Variants in NCKAP5 observed in about 807,000 individuals in gnomAD.
NCKAP5 encodes the protein nck-associated protein 5.
Under a neutral mutation model 167.0 loss-of-function variants are expected in NCKAP5, and 92 were observed. The observed-to-expected ratio is 0.55, with a 90% CI of 0.47 to 0.66. The LOEUF is 0.66. Ranked by LOEUF, NCKAP5 falls within the 30% of genes least tolerant of loss-of-function variation. NCKAP5 has a pLI of 0.00. For missense variants in NCKAP5, 2,378 were observed against 2,315.0 expected (o/e 1.03, Z -0.56); for synonymous variants, 891 against 877.4 (o/e 1.02, Z -0.27).
chr2:133,545,995 G>A (rs545369964), intron 2 of NCKAP5, among the ~76,000 whole-genome samples: 7 of 152,202 alleles, frequency 4.6e-5, no homozygotes, highest in African/African-American at 7.2e-5. Flanking sequence ...AATCTGAGCC[G>A]GAACAAAATA....
chr2:133,126,258 T>A (rs2082401013), intron 6 of NCKAP5, among the ~76,000 whole-genome samples: 1 of 152,216 alleles, frequency 6.6e-6, no homozygotes, highest in Non-Finnish European at 1.5e-5. Context: ...CCATAACTAC[T>A]GTTTAGAGAC....
At chr2:133,373,688 C>T (rs1685954931) in intron 3 of NCKAP5, among the ~76,000 whole-genome samples, 1 of 152,162 alleles carries the variant, frequency 6.6e-6, no homozygotes, top group Non-Finnish European at 1.5e-5. Flanking sequence ...CAAATCAGGA[C>T]CTTGTGGTAC....
intron 6 of NCKAP5, among the ~76,000 whole-genome samples, chr2:133,086,633 C>T (rs1394823700): frequency 6.6e-6 from 1 of 151,956 alleles, no homozygotes; most frequent in South Asian, 2.1e-4. Context: ...CAGAGCAAGA[C>T]CTTATCTCTA....
chr2:133,654,537 T>C, the NCKAP5 span, among the ~76,000 whole-genome samples: 1 of 152,148 alleles, frequency 6.6e-6, no homozygotes, highest in African/African-American at 2.4e-5. Flanking sequence ...TCCACATCCA[T>C]CCTTTGGCTC....
At chr2:132,894,794 C>T (rs889049641) in intron 8 of NCKAP5, among the ~76,000 whole-genome samples, 3 of 152,152 alleles carry the variant, frequency 2.0e-5, no homozygotes, top group South Asian at 2.1e-4. Flanking sequence ...GGCCGCCCTC[C>T]GCCCTGCTCC....
intron 6 of NCKAP5, among the ~76,000 whole-genome samples, chr2:133,040,866 C>A (rs1371635818): frequency 6.6e-6 from 1 of 152,160 alleles, no homozygotes; most frequent in Non-Finnish European, 1.5e-5. Flanking sequence ...GCAATACAGG[C>A]AGCATTATTG....
At chr2:133,601,800 T>C in the NCKAP5 span, among the ~76,000 whole-genome samples, 1 of 152,098 alleles carries the variant, frequency 6.6e-6, no homozygotes, top group Non-Finnish European at 1.5e-5. Flanking sequence ...TTTCAGGTGC[T>C]AAAGTCCTAA....
At chr2:133,044,664 T>G (rs2079330730) in intron 6 of NCKAP5, among the ~76,000 whole-genome samples, 1 of 152,136 alleles carries the variant, frequency 6.6e-6, no homozygotes, top group African/African-American at 2.4e-5. Flanking sequence ...GAGAGAAATT[T>G]AATAAGACCT....
intron 8 of NCKAP5, among the ~76,000 whole-genome samples, chr2:132,897,615 T>C (rs1174661726): frequency 6.6e-6 from 1 of 152,168 alleles, no homozygotes; most frequent in African/African-American, 2.4e-5. Context: ...CAGACATACC[T>C]TGGGGAGAGA....
the NCKAP5 span, among the ~76,000 whole-genome samples, chr2:133,600,091 C>T: frequency 4.6e-5 from 7 of 152,258 alleles, no homozygotes; most frequent in Non-Finnish European, 7.4e-5. Context: ...ATCTGTGTCG[C>T]GGAATTTCTT....
intron 2 of NCKAP5, among the ~76,000 whole-genome samples, chr2:133,527,990 G>C (rs561922216): frequency 6.6e-6 from 1 of 152,256 alleles, no homozygotes; most frequent in East Asian, 1.9e-4. Context: ...GCTTAAGCCT[G>C]AGAGGTTGAG....
At chr2:133,638,207 T>C in the NCKAP5 span, among the ~76,000 whole-genome samples, 1 of 152,082 alleles carries the variant, frequency 6.6e-6, no homozygotes, top group Non-Finnish European at 1.5e-5. Context: ...TCTGAAAAAA[T>C]TGGTAAGCAA....
chr2:133,278,622 AT>A (rs372222505), intron 4 of NCKAP5, among the ~76,000 whole-genome samples: 13 of 152,218 alleles, frequency 8.5e-5, no homozygotes, highest in African/African-American at 1.4e-4. Flanking sequence ...TCTGATATGT[AT>A]TTTTTTGTGG....
At chr2:133,104,216 T>C (rs933785321) in intron 6 of NCKAP5, among the ~76,000 whole-genome samples, 2 of 151,904 alleles carry the variant, frequency 1.3e-5, no homozygotes, top group African/African-American at 4.8e-5. Flanking sequence ...GCACCCCAAG[T>C]TGGACACAGA....
chr2:133,185,645 C>A (rs1478814634), intron 5 of NCKAP5, among the ~76,000 whole-genome samples: 1 of 152,014 alleles, frequency 6.6e-6, no homozygotes, highest in Non-Finnish European at 1.5e-5. Context: ...TTTCTTTCAT[C>A]AGTGTTTTAT....
chr2:133,324,258 C>T (rs1012014264), intron 3 of NCKAP5, among the ~76,000 whole-genome samples: 1 of 152,230 alleles, frequency 6.6e-6, no homozygotes, highest in African/African-American at 2.4e-5. Context: ...ATCATAAACA[C>T]CCCACATTGA....
At chr2:133,544,122 T>C (rs571903982) in intron 2 of NCKAP5, among the ~76,000 whole-genome samples, 1 of 152,380 alleles carries the variant, frequency 6.6e-6, no homozygotes, top group South Asian at 2.1e-4. Flanking sequence ...AAAATTGCCA[T>C]GTCTGGAAAC....
intron 16 of NCKAP5, among the ~76,000 whole-genome samples, chr2:132,756,235 G>A (rs968148390): frequency 1.3e-5 from 2 of 152,138 alleles, no homozygotes; most frequent in Non-Finnish European, 2.9e-5. Context: ...GATAAGCTTT[G>A]CAAATTTTCT....
At chr2:133,388,461 C>T (rs886766105) in intron 3 of NCKAP5, among the ~76,000 whole-genome samples, 3 of 152,354 alleles carry the variant, frequency 2.0e-5, no homozygotes, top group Middle Eastern at 3.4e-3. Context: ...CTGGGGGATG[C>T]CTCCCAGATA....
Sources: allele counts gnomAD v4.1 joint callset (sites outside exome capture counted in the v4.1 genomes callset), GRCh38; gene constraint gnomAD v4.1.1; transcripts MANE v1.5; gene names NCBI Gene and HGNC (gene_info 2026-07-23, HGNC 2026-07-21).